FDFT1: variants seen among roughly 807,000 people sequenced by gnomAD.
FDFT1 encodes farnesyl-diphosphate farnesyltransferase 1.
Under a neutral mutation model 46.8 loss-of-function variants are expected in FDFT1, and 68 were observed. The ratio of observed to expected loss-of-function variants is 1.45; its 90% confidence interval spans 1.19 to 1.78. FDFT1 has a LOEUF of 1.78. FDFT1 is among the 40% of genes most tolerant of loss of function. The probability of loss-of-function intolerance (pLI) is 0.00; values close to 1 mark genes in which losing one functional copy is unlikely to be tolerated. For missense variants in FDFT1, 928 were observed against 524.4 expected (o/e 1.77, Z -7.52); for synonymous variants, 351 against 185.1 (o/e 1.90, Z -7.28).
chr8:11,806,336 A>C (rs1806829453), intron 1 of FDFT1, among the ~76,000 whole-genome samples: 1 of 152,130 alleles, frequency 6.6e-6, no homozygotes, highest in Non-Finnish European at 1.5e-5. Context: ...CAAGCAGTAG[A>C]AATTTTTAGT....
At chr8:11,811,332 C>G (rs1039374734) in intron 3 of FDFT1, among the ~76,000 whole-genome samples, 4 of 152,192 alleles carry the variant, frequency 2.6e-5, no homozygotes, top group African/African-American at 7.2e-5. Context: ...TTAAAAACAA[C>G]TAATATTATT....
chr8:11,835,539 A>G (rs3735809), intron 7 of FDFT1, among the ~76,000 whole-genome samples: 4,954 of 152,224 alleles, frequency 0.033, 253 homozygotes, highest in East Asian at 0.28. Flanking sequence ...GGGCATATTG[A>G]AGTGCTCTTG....
At chr8:11,819,382 T>C (rs1230280881) in intron 3 of FDFT1, among the ~76,000 whole-genome samples, 1 of 152,228 alleles carries the variant, frequency 6.6e-6, no homozygotes, top group Non-Finnish European at 1.5e-5. Context: ...TTCCTGAATT[T>C]GAATGTTGAC....
intron 3 of FDFT1, among the ~76,000 whole-genome samples, chr8:11,818,199 A>C (rs1265691608): frequency 6.6e-6 from 1 of 152,132 alleles, no homozygotes; most frequent in Admixed American, 6.6e-5. Context: ...CCTGAGTTCT[A>C]ATTTGATTTC....
chr8:11,810,537 C>T (rs544875243), intron 3 of FDFT1, among the ~76,000 whole-genome samples: 10 of 152,258 alleles, frequency 6.6e-5, no homozygotes, highest in South Asian at 2.1e-4. Flanking sequence ...GTACTTAGTG[C>T]CTGGTACAGG....
At chr8:11,801,992 T>C (rs771574958), upstream of FDFT1, 20 of 455,788 alleles carry the variant, frequency 4.4e-5, no homozygotes, top group South Asian at 2.8e-4. Flanking sequence ...CCTGGACGGG[T>C]AGCCAGTAGT....
chr8:11,823,371 G>A (rs939232147), intron 4 of FDFT1, among the ~76,000 whole-genome samples: 3 of 152,118 alleles, frequency 2.0e-5, no homozygotes, highest in African/African-American at 7.2e-5. Context: ...TAGTACTATA[G>A]ATATACTAAT....
At chr8:11,806,385 T>C (rs1806835801) in intron 1 of FDFT1, among the ~76,000 whole-genome samples, 1 of 152,150 alleles carries the variant, frequency 6.6e-6, no homozygotes, top group African/African-American at 2.4e-5. Context: ...AGTTGTGTCT[T>C]CCTGTTTTGT....
chr8:11,797,886 A>T (rs1805727652), upstream of FDFT1: 1 of 152,260 alleles, frequency 6.6e-6, no homozygotes. Context: ...CTAGGACTGG[A>T]TCAGGGTGTG....
intron 7 of FDFT1, among the ~76,000 whole-genome samples, chr8:11,832,551 C>CAAAAAAAAAGAAAAAAA (rs1810950687): frequency 2.8e-5 from 1 of 36,358 alleles, no homozygotes; most frequent in Non-Finnish European, 5.5e-5. Flanking sequence ...GACTTTGTCT[C>CAAAAAAAAAGAAAAAAA]AAAAAAAAAA....
chr8:11,810,636 C>G (rs1339897387), intron 3 of FDFT1, among the ~76,000 whole-genome samples: 3 of 152,160 alleles, frequency 2.0e-5, no homozygotes, highest in Admixed American at 1.3e-4. Flanking sequence ...TAAAGTCCCT[C>G]AAGTTCATGT....
chr8:11,795,647 T>C (rs555719316), exon 1 of FDFT1: 1 of 152,098 alleles, frequency 6.6e-6, no homozygotes, highest in East Asian at 1.9e-4. Flanking sequence ...ATTTTAATAC[T>C]TGTCTGTTTC....
intron 1 of FDFT1, 56 bp downstream of exon 1, chr8:11,802,987 T>G: frequency 6.5e-7 from 1 of 1,548,924 alleles, no homozygotes; most frequent in Non-Finnish European, 8.7e-7. Context: ...TGGGCCGGCC[T>G]CAGGGCCTGA....
At position 11,832,343 on chromosome 8, in the gene FDFT1, C is replaced by T. The variant is rs937893818; in HGVS notation, c.1032+673C>T. Among the ~76,000 whole-genome samples, 4 of 151,624 alleles carry T rather than the reference C, an allele frequency of 2.6e-5. No individual in the cohort carries two copies. The East Asian group carries it at 7.8e-4, about 29-fold the overall frequency. On this transcript the variant is annotated intron_variant, in intron 7 of 7. Transcript: ENST00000220584. ...ACCAAGGTGGGAGGATCACTTGAGG[C>T]CAGGAATTCAAGACCAGCCCGGGCG...
At chr8:11,817,039 G>A (rs61610208) in intron 3 of FDFT1, among the ~76,000 whole-genome samples, 2,025 of 152,254 alleles carry the variant, frequency 0.013, 39 homozygotes, top group African/African-American at 0.046. Flanking sequence ...TTTGAGATGC[G>A]TTCCATCAAT....
intron 1 of FDFT1, chr8:11,808,439 C>T: frequency 1.6e-6 from 2 of 1,268,974 alleles, no homozygotes; most frequent in African/African-American, 1.5e-5. Context: ...AGAGGGCGAG[C>T]CCGTCCCGCC....
At chr8:11,810,134 T>G (rs1187098880) in intron 3 of FDFT1, among the ~76,000 whole-genome samples, 4 of 152,184 alleles carry the variant, frequency 2.6e-5, no homozygotes, top group Admixed American at 6.5e-5. Flanking sequence ...CTCATGGTAT[T>G]CTGAGGATTC....
intron 7 of FDFT1, among the ~76,000 whole-genome samples, chr8:11,836,278 A>G (rs553411860): frequency 4.6e-5 from 7 of 152,346 alleles, no homozygotes; most frequent in African/African-American, 1.7e-4. Flanking sequence ...GTCATTTACA[A>G]GAGTAGTGTG....
At chr8:11,808,548 A>C in intron 1 of FDFT1, 3 of 1,365,834 alleles carry the variant, frequency 2.2e-6, no homozygotes, top group Non-Finnish European at 1.9e-6. Flanking sequence ...CACCAAGGCC[A>C]TGGCCCTCTT....
Sources: gnomAD v4.1 joint callset for allele counts (sites outside exome capture counted in the v4.1 genomes callset) on GRCh38, gnomAD v4.1.1 for gene constraint, MANE v1.5 for transcripts, NCBI Gene and HGNC (gene_info 2026-07-23, HGNC 2026-07-21) for gene names.